The following SUGCT variants were observed in gnomAD, a reference collection of about 807,000 sequenced individuals.
SUGCT encodes succinyl-CoA:glutarate-CoA transferase.
In SUGCT, 41 loss-of-function variants were observed where a neutral mutation model predicts 55.0. The observed-to-expected ratio is 0.74, with a 90% CI of 0.58 to 0.97. The LOEUF is 0.97. SUGCT is among the 50% of genes least tolerant of loss of function. The pLI, the probability that SUGCT is intolerant of heterozygous loss-of-function variation, is 0.00. For synonymous variants in SUGCT, 187 were observed against 200.4 expected (o/e 0.93, Z 0.56); for missense variants, 568 against 547.8 (o/e 1.04, Z -0.37).
chr7:40,347,126 C>G (rs1316738236), intron 9 of SUGCT, among the ~76,000 whole-genome samples: 2 of 152,106 alleles, frequency 1.3e-5, no homozygotes, highest in African/African-American at 2.4e-5. Flanking sequence ...ACAGAGAAAG[C>G]CAAGATTGCC....
At chr7:40,205,608 T>G (rs1245324874) in intron 6 of SUGCT, among the ~76,000 whole-genome samples, 1 of 123,796 alleles carries the variant, frequency 8.1e-6, no homozygotes, top group Admixed American at 1.1e-4. Context: ...GCCATTGCAC[T>G]CCAGCCTGGG....
At chr7:40,749,316 CT>C (rs1787889436) in intron 12 of SUGCT, 117 bp from the exon 13 acceptor site, 1 of 806,816 alleles carries the variant, frequency 1.2e-6, no homozygotes, top group Non-Finnish European at 2.2e-6. Flanking sequence ...ATGTTAAACA[CT>C]TCTGTGTTTT....
At chr7:40,268,859 G>A (rs914509724) in intron 7 of SUGCT, among the ~76,000 whole-genome samples, 3 of 152,046 alleles carry the variant, frequency 2.0e-5, no homozygotes, top group South Asian at 4.1e-4. Flanking sequence ...GACTAGTCTC[G>A]AACTCCTGAC....
intron 12 of SUGCT, among the ~76,000 whole-genome samples, chr7:40,690,152 T>C (rs1406445904): frequency 1.3e-5 from 2 of 152,318 alleles, no homozygotes; most frequent in East Asian, 3.9e-4. Flanking sequence ...CCAAAAAGGA[T>C]GCCGAAAACA....
At chr7:40,743,089 C>G (rs1333650938) in intron 12 of SUGCT, among the ~76,000 whole-genome samples, 1 of 152,074 alleles carries the variant, frequency 6.6e-6, no homozygotes, top group East Asian at 1.9e-4. Context: ...CGATAATGAC[C>G]ATTGTCCATG....
At chr7:41,001,521 A>G in the SUGCT span, among the ~76,000 whole-genome samples, 2 of 152,224 alleles carry the variant, frequency 1.3e-5, no homozygotes, top group African/African-American at 4.8e-5. Context: ...ATAAGCTACC[A>G]TAGATGGTGG....
chr7:40,877,803 A>G, the SUGCT span, among the ~76,000 whole-genome samples: 2 of 152,234 alleles, frequency 1.3e-5, no homozygotes, highest in Non-Finnish European at 2.9e-5. Flanking sequence ...TATTTCTAGA[A>G]TATGCTCATC....
intron 9 of SUGCT, among the ~76,000 whole-genome samples, chr7:40,438,528 T>A (rs1788296874): frequency 6.6e-6 from 1 of 152,188 alleles, no homozygotes; most frequent in Non-Finnish European, 1.5e-5. Flanking sequence ...TTTGCACAGC[T>A]TCTAGTGAGA....
chr7:40,736,561 G>A (rs1787174385), intron 12 of SUGCT, among the ~76,000 whole-genome samples: 1 of 151,712 alleles, frequency 6.6e-6, no homozygotes, highest in South Asian at 2.1e-4. Flanking sequence ...GAAAACAGAA[G>A]ACATAGAGAT....
chr7:40,698,776 C>T (rs1187172304), intron 12 of SUGCT, among the ~76,000 whole-genome samples: 2 of 152,102 alleles, frequency 1.3e-5, no homozygotes, highest in East Asian at 1.9e-4. Context: ...CTTTTCAACT[C>T]ATAGATGAGA....
At chr7:41,029,303 C>T in the SUGCT span, among the ~76,000 whole-genome samples, 1 of 152,146 alleles carries the variant, frequency 6.6e-6, no homozygotes, top group African/African-American at 2.4e-5. Context: ...GATCTTGTCT[C>T]CTTGAAAATT....
chr7:40,222,648 C>A (rs1788079268), intron 6 of SUGCT, among the ~76,000 whole-genome samples: 1 of 152,130 alleles, frequency 6.6e-6, no homozygotes, highest in South Asian at 2.1e-4. Flanking sequence ...TCAAGACCAG[C>A]CTGGCTAACA....
chr7:41,017,198 C>T, the SUGCT span, among the ~76,000 whole-genome samples: 1 of 152,216 alleles, frequency 6.6e-6, no homozygotes, highest in African/African-American at 2.4e-5. Context: ...TCAGGAATTC[C>T]CTTTCTATAT....
At chr7:40,649,514 C>G (rs978337906) in intron 12 of SUGCT, among the ~76,000 whole-genome samples, 1 of 152,104 alleles carries the variant, frequency 6.6e-6, no homozygotes, top group African/African-American at 2.4e-5. Context: ...TCTAAATAAA[C>G]TCTGGGGTGG....
chr7:40,934,587 AG>A, the SUGCT span, among the ~76,000 whole-genome samples: 1 of 152,206 alleles, frequency 6.6e-6, no homozygotes, highest in African/African-American at 2.4e-5. Context: ...TGAACTGTGG[AG>A]GGCTCTACCC....
chr7:40,766,478 G>A (rs1229721823), intron 13 of SUGCT, among the ~76,000 whole-genome samples: 2 of 152,080 alleles, frequency 1.3e-5, no homozygotes, highest in Admixed American at 1.3e-4. Context: ...CCAAAGTGCT[G>A]GGAAAATCTT....
At chr7:40,889,542 A>G in the SUGCT span, among the ~76,000 whole-genome samples, 9 of 152,232 alleles carry the variant, frequency 5.9e-5, no homozygotes, top group African/African-American at 1.7e-4. Flanking sequence ...CAGAAACAGA[A>G]CACATGCTCA....
At chr7:40,681,998 T>C (rs977946547) in intron 12 of SUGCT, among the ~76,000 whole-genome samples, 3 of 152,164 alleles carry the variant, frequency 2.0e-5, no homozygotes, top group African/African-American at 7.2e-5. Context: ...ATCTTGAGTT[T>C]CTATAGAGAA....
At chr7:40,367,346 G>A (rs893783440) in intron 9 of SUGCT, among the ~76,000 whole-genome samples, 6 of 151,410 alleles carry the variant, frequency 4.0e-5, no homozygotes, top group East Asian at 1.9e-4. Context: ...CAGGACACCA[G>A]CATGGCACAT....
Sources: gnomAD v4.1 joint callset for allele counts (sites outside exome capture counted in the v4.1 genomes callset) on GRCh38, gnomAD v4.1.1 for gene constraint, MANE v1.5 for transcripts, NCBI Gene and HGNC (gene_info 2026-07-23, HGNC 2026-07-21) for gene names.